Variants in CACNA1E observed in about 807,000 individuals in gnomAD.
CACNA1E encodes the protein calcium voltage-gated channel subunit alpha1 E.
Under a neutral mutation model 259.2 loss-of-function variants are expected in CACNA1E, and 40 were observed. The ratio of observed to expected loss-of-function variants is 0.15; its 90% confidence interval spans 0.12 to 0.20. The LOEUF (loss-of-function observed/expected upper bound fraction) is 0.20. CACNA1E is among the 10% of genes least tolerant of loss of function. The probability of loss-of-function intolerance (pLI) is 1.00; values close to 1 mark genes in which losing one functional copy is unlikely to be tolerated. For synonymous variants in CACNA1E, 1,104 were observed against 1,138.5 expected, an observed-to-expected ratio of 0.97 and a Z score of 0.61; for missense variants, 1,874 against 3,040.1, an observed-to-expected ratio of 0.62 and a Z score of 9.02.
At chr1:181,792,343 G>A (rs1391957006) in intron 44 of CACNA1E, among the ~76,000 whole-genome samples, 1 of 152,198 alleles carries the variant, frequency 6.6e-6, no homozygotes, top group Non-Finnish European at 1.5e-5. Context: ...GTGTCAGCCT[G>A]TGCTACACAC....
intron 6 of CACNA1E, among the ~76,000 whole-genome samples, chr1:181,593,200 G>C (rs1652830223): frequency 6.6e-6 from 1 of 150,690 alleles, no homozygotes; most frequent in Admixed American, 6.6e-5. Flanking sequence ...ACTTTTTGCT[G>C]CTGTGAGCTG....
rs1654417740 is a variant in CACNA1E at position 181,368,182 on chromosome 1, A to T, written c.-14-44951A>T. Among the ~76,000 whole-genome samples the T allele has an allele frequency of 3.9e-5, 6 of 152,148 alleles. No individual in the cohort carries two copies. In the South Asian group the frequency reaches 1.2e-3, roughly 32 times the overall value. ...GAGGCTGAGGTTGCGGTGAGCCGAG[A>T]TCATGCCACTGCACTCCAGCCTGGG... On this transcript the variant is annotated intron_variant, in intron 1 of 11. Transcript: ENST00000524607.
chr1:181,549,444 A>T (rs1647881668), intron 3 of CACNA1E, among the ~76,000 whole-genome samples: 1 of 152,236 alleles, frequency 6.6e-6, no homozygotes, highest in Non-Finnish European at 1.5e-5. Flanking sequence ...TGGAAAGAGA[A>T]GTAAGAGAAT....
chr1:181,428,683 TGTTGGGTGTA>T (rs1174668583), intron 2 of CACNA1E, among the ~76,000 whole-genome samples: 2 of 152,088 alleles, frequency 1.3e-5, no homozygotes, highest in African/African-American at 4.8e-5. Context: ...CACCAAGCTG[TGTTGGGTGTA>T]GTTGTCTCAG....
intron 18 of CACNA1E, among the ~76,000 whole-genome samples, chr1:181,727,929 G>T (rs1655064996): frequency 1.3e-5 from 2 of 152,056 alleles, no homozygotes; most frequent in South Asian, 4.1e-4. Flanking sequence ...TGAAGCGGGG[G>T]ACCTCCCTCC....
chr1:181,736,743 C>A (rs1466844797), intron 22 of CACNA1E, among the ~76,000 whole-genome samples: 1 of 152,176 alleles, frequency 6.6e-6, no homozygotes, highest in Admixed American at 6.5e-5. Context: ...GGAAGGAAAT[C>A]TACTTGAGAT....
intron 2 of CACNA1E, among the ~76,000 whole-genome samples, chr1:181,458,937 G>C (rs1661634742): frequency 6.6e-6 from 1 of 152,132 alleles, no homozygotes; most frequent in African/African-American, 2.4e-5. Flanking sequence ...ATTATGTACT[G>C]TTCCAACTAT....
chr1:181,691,625 A>T (rs190780012), intron 7 of CACNA1E, among the ~76,000 whole-genome samples: 2 of 152,158 alleles, frequency 1.3e-5, no homozygotes, highest in African/African-American at 2.4e-5. Context: ...ACATTGCTTT[A>T]TAATAAAAAC....
rs566148506 is a variant in CACNA1E, at chr1:181,447,677, C to T, written c.434+34097C>T. Among the ~76,000 whole-genome samples the T allele has an allele frequency of 3.3e-5, 5 of 152,246 alleles. No homozygotes were observed. The South Asian group carries it at 1.0e-3, about 32-fold the overall frequency. Reference sequence around the variant, plus strand: ...ATCTTACAATTCTGTAAAGCAGAGACCTGGTATGGGCCTCCCCAGGCTAAA... The same window carrying T: ...ATCTTACAATTCTGTAAAGCAGAGATCTGGTATGGGCCTCCCCAGGCTAAA... On this transcript the variant is annotated intron_variant, in intron 2 of 11. Coordinates refer to the CACNA1E transcript ENST00000524607.
At chr1:181,658,734 G>A (rs1441558813) in intron 7 of CACNA1E, among the ~76,000 whole-genome samples, 2 of 152,210 alleles carry the variant, frequency 1.3e-5, no homozygotes, top group Admixed American at 1.3e-4. Context: ...AGCCTAGGAA[G>A]TGACAGTGGC....
intron 34 of CACNA1E, 94 bp downstream of exon 34, chr1:181,763,625 G>A: frequency 1.0e-6 from 1 of 981,296 alleles, no homozygotes; most frequent in Non-Finnish European, 1.4e-6. Context: ...CTTCACCTCT[G>A]GGAAGCTGAA....
At chr1:181,411,741 CT>C (rs1433869904) in intron 1 of CACNA1E, among the ~76,000 whole-genome samples, 1 of 152,198 alleles carries the variant, frequency 6.6e-6, no homozygotes, top group Non-Finnish European at 1.5e-5. Context: ...TCCCAAGTAG[CT>C]GGGATTACAG....
chr1:181,724,554 G>T lies in CACNA1E; in HGVS notation c.2142+17G>T. On this transcript the variant is annotated intron_variant, in intron 17 of 47. Coordinates refer to ENST00000367573, the MANE Select transcript of CACNA1E (RefSeq NM_001205293.3). Reference sequence around the variant, plus strand: ...CTGACCAAGGTAAGCATTGTTTTCTGGGGATCTGATGTTTCTCTAGTGCCA... The same window carrying T: ...CTGACCAAGGTAAGCATTGTTTTCTTGGGATCTGATGTTTCTCTAGTGCCA... 1 of 1,603,080 alleles carries T rather than the reference G, an allele frequency of 6.2e-7. No individual in the cohort carries two copies. The highest frequency in any genetic ancestry group is 1.3e-5 in the African/African-American group (1 of 74,866).
intron 6 of CACNA1E, among the ~76,000 whole-genome samples, chr1:181,641,531 G>A (rs762598859): frequency 6.6e-6 from 1 of 152,054 alleles, no homozygotes; most frequent in East Asian, 1.9e-4. Context: ...GGTGAAAGTA[G>A]AGTCTCAGGA....
intron 6 of CACNA1E, among the ~76,000 whole-genome samples, chr1:181,611,191 G>C (rs145905815): frequency 6.6e-6 from 1 of 152,034 alleles, no homozygotes; most frequent in Admixed American, 6.6e-5. Context: ...AGAACCTTTC[G>C]TAAAATTCTC....
chr1:181,709,134 A>C (rs903019309), intron 7 of CACNA1E, among the ~76,000 whole-genome samples: 1 of 152,248 alleles, frequency 6.6e-6, no homozygotes, highest in African/African-American at 2.4e-5. Context: ...TGAAAGAAGC[A>C]AAAATCCAAA....
intron 1 of CACNA1E, among the ~76,000 whole-genome samples, chr1:181,342,265 AG>A (rs1170535826): frequency 6.6e-6 from 1 of 152,186 alleles, no homozygotes; most frequent in Non-Finnish European, 1.5e-5. Context: ...AGGTCAGAGG[AG>A]GAAGCATAGC....
chr1:181,672,593 A>G (rs1182136086), intron 7 of CACNA1E, among the ~76,000 whole-genome samples: 1 of 152,206 alleles, frequency 6.6e-6, no homozygotes, highest in Non-Finnish European at 1.5e-5. Flanking sequence ...GGCCAAGGCC[A>G]AGTTGTATCC....
At chr1:181,361,119 G>A (rs1219120971) in intron 1 of CACNA1E, among the ~76,000 whole-genome samples, 1 of 152,100 alleles carries the variant, frequency 6.6e-6, no homozygotes, top group Non-Finnish European at 1.5e-5. Flanking sequence ...TCTTCATGTG[G>A]TCTCCTCAAT....
Sources: allele counts gnomAD v4.1 joint callset (sites outside exome capture counted in the v4.1 genomes callset), GRCh38; gene constraint gnomAD v4.1.1; transcripts MANE v1.5; gene names NCBI Gene and HGNC (gene_info 2026-07-23, HGNC 2026-07-21).